Variants in SUCLG2 observed in about 807,000 individuals in gnomAD.
SUCLG2 encodes the protein succinate--CoA ligase [GDP-forming] subunit beta, mitochondrial.
In SUCLG2, 42 loss-of-function variants were observed where a neutral mutation model predicts 47.9. That is an observed-to-expected ratio of 0.88 (90% CI 0.69 to 1.14). The LOEUF is 1.14. Ranked by LOEUF, SUCLG2 falls within the 50% of genes most tolerant of loss-of-function variation. SUCLG2 has a pLI of 0.00. For missense variants in SUCLG2, 571 were observed against 525.9 expected, an observed-to-expected ratio of 1.09 and a Z score of -0.84; for synonymous variants, 195 against 197.3, an observed-to-expected ratio of 0.99 and a Z score of 0.10.
exon 11 of SUCLG2, chr3:67,360,611 T>A: frequency 6.7e-7 from 1 of 1,490,470 alleles, no homozygotes; most frequent in Non-Finnish European, 8.9e-7. Context: ...TCAGCAAGTA[T>A]CTTAGCAAAG....
At chr3:67,546,532 C>T (rs921327502) in intron 2 of SUCLG2, among the ~76,000 whole-genome samples, 13 of 152,206 alleles carry the variant, frequency 8.5e-5, no homozygotes, top group African/African-American at 2.6e-4. Context: ...GCCAGGAGTT[C>T]GAGACCAGCC....
At chr3:67,406,005 G>C (rs1702797424) in intron 9 of SUCLG2, among the ~76,000 whole-genome samples, 1 of 152,092 alleles carries the variant, frequency 6.6e-6, no homozygotes. Flanking sequence ...AGCAAACCTA[G>C]AGAAGCCCTA....
chr3:67,500,813 A>G (rs952888030), intron 7 of SUCLG2, among the ~76,000 whole-genome samples: 1 of 152,250 alleles, frequency 6.6e-6, no homozygotes, highest in African/African-American at 2.4e-5. Flanking sequence ...AGTTTCAAAT[A>G]AAGGAATTCT....
At chr3:67,404,147 G>A (rs1383495256) in intron 9 of SUCLG2, among the ~76,000 whole-genome samples, 2 of 152,172 alleles carry the variant, frequency 1.3e-5, no homozygotes, top group East Asian at 3.9e-4. Flanking sequence ...GCCTCCCAAA[G>A]TGTTGGGATT....
chr3:67,648,541 T>G (rs1308855247), intron 1 of SUCLG2, among the ~76,000 whole-genome samples: 1 of 152,174 alleles, frequency 6.6e-6, no homozygotes, highest in Non-Finnish European at 1.5e-5. Context: ...CCTGGCACTG[T>G]GATTTTAAGC....
rs377268303 is a variant in SUCLG2, at chr3:67,420,672, T to C, written c.1063-19821A>G. Among the ~76,000 whole-genome samples the C allele has an allele frequency of 1.3e-5, 2 of 152,298 alleles. 1 individual carries two copies. Among genetic ancestry groups the C allele is most frequent in the African/African-American group, 4.8e-5 (2 of 41,568 alleles). ...CTACAACATGACTTACAGACACATG[T>C]AGGAGTCCTTTTCATATTTCAAAAA... On this transcript the variant is annotated intron_variant, in intron 9 of 10. Coordinates refer to ENST00000307227, the MANE Select transcript of SUCLG2 (RefSeq NM_003848.4).
chr3:67,466,833 G>T (rs942718557), intron 9 of SUCLG2, among the ~76,000 whole-genome samples: 2 of 152,154 alleles, frequency 1.3e-5, no homozygotes, highest in South Asian at 2.1e-4. Flanking sequence ...GGACAGTAAG[G>T]TATGAAATAT....
At chr3:67,473,346 T>C (rs1704651832) in intron 9 of SUCLG2, among the ~76,000 whole-genome samples, 1 of 152,172 alleles carries the variant, frequency 6.6e-6, no homozygotes, top group Non-Finnish European at 1.5e-5. Flanking sequence ...TCCTTTGTAA[T>C]GACTATTGTA....
At chr3:67,421,146 A>G (rs746127631) in intron 9 of SUCLG2, among the ~76,000 whole-genome samples, 1 of 152,046 alleles carries the variant, frequency 6.6e-6, no homozygotes, top group African/African-American at 2.4e-5. Context: ...AGGAATTTCA[A>G]TCTGGGCCCA....
chr3:67,380,098 T>C (rs1702121218), intron 10 of SUCLG2, among the ~76,000 whole-genome samples: 1 of 151,924 alleles, frequency 6.6e-6, no homozygotes, highest in Non-Finnish European at 1.5e-5. Flanking sequence ...CTCCTTGCTG[T>C]CCTAACAACC....
chr3:67,593,500 G>A (rs1363156600), intron 2 of SUCLG2, among the ~76,000 whole-genome samples: 4 of 152,018 alleles, frequency 2.6e-5, no homozygotes, highest in African/African-American at 9.7e-5. Flanking sequence ...AACAAGTCCC[G>A]AGCTGTCCAT....
intron 10 of SUCLG2, chr3:67,360,848 A>G (rs1250238092): frequency 9.6e-6 from 11 of 1,148,664 alleles, no homozygotes; most frequent in Non-Finnish European, 1.3e-5. Context: ...GGTATTCCTA[A>G]GATCCTGTTA....
chr3:67,627,963 G>A (rs776026405), intron 1 of SUCLG2, among the ~76,000 whole-genome samples: 33 of 152,278 alleles, frequency 2.2e-4, no homozygotes, highest in Admixed American at 3.9e-4. Flanking sequence ...CCTCCTGCAA[G>A]TTATAATCTC....
At chr3:67,520,706 T>G in intron 4 of SUCLG2, 72 bp from the exon 5 acceptor site, 1 of 1,513,310 alleles carries the variant, frequency 6.6e-7, no homozygotes, top group Non-Finnish European at 8.9e-7. Context: ...TATACAAACT[T>G]GCTACACGAA....
chr3:67,470,031 G>A (rs1179077417), intron 9 of SUCLG2, among the ~76,000 whole-genome samples: 1 of 142,130 alleles, frequency 7.0e-6, no homozygotes, highest in Non-Finnish European at 1.5e-5. Context: ...GGCAACAAGA[G>A]TGAAACTCCA....
chr3:67,603,435 T>C (rs899563739), intron 2 of SUCLG2, among the ~76,000 whole-genome samples: 3 of 152,190 alleles, frequency 2.0e-5, no homozygotes, highest in African/African-American at 7.2e-5. Context: ...TAGGATGTGA[T>C]TACATAATAC....
At chr3:67,522,308 G>A (rs537295112) in intron 4 of SUCLG2, among the ~76,000 whole-genome samples, 35 of 152,154 alleles carry the variant, frequency 2.3e-4, no homozygotes, top group African/African-American at 8.2e-4. Context: ...GATTCCCAAA[G>A]TGTTGGGATT....
chr3:67,433,053 C>T (rs1035436155), intron 9 of SUCLG2, among the ~76,000 whole-genome samples: 9 of 152,118 alleles, frequency 5.9e-5, no homozygotes, highest in African/African-American at 2.2e-4. Flanking sequence ...TACTGTTCTC[C>T]CCTATGTTAG....
chr3:67,373,848 G>A (rs1701985845), downstream of SUCLG2, among the ~76,000 whole-genome samples: 1 of 152,092 alleles, frequency 6.6e-6, no homozygotes, highest in African/African-American at 2.4e-5. Context: ...TGTAAAAATG[G>A]CCTGCCTGAG....
Sources: gnomAD v4.1 joint callset for allele counts (sites outside exome capture counted in the v4.1 genomes callset) on GRCh38, gnomAD v4.1.1 for gene constraint, MANE v1.5 for transcripts, NCBI Gene and HGNC (gene_info 2026-07-23, HGNC 2026-07-21) for gene names.